The following DISP1 variants were observed in gnomAD, a reference collection of about 807,000 sequenced individuals.
DISP1 encodes protein dispatched homolog 1.
DISP1 carries 30 observed loss-of-function variants against 37.3 expected under a neutral mutation model. The observed-to-expected ratio is 0.80, with a 90% CI of 0.60 to 1.09. DISP1 has a LOEUF of 1.09. DISP1 is among the 50% of genes least tolerant of loss of function. The pLI, the probability that DISP1 is intolerant of heterozygous loss-of-function variation, is 0.00. For missense variants in DISP1, 1,598 were observed against 1,879.5 expected (o/e 0.85, Z 2.77); for synonymous variants, 634 against 690.2 (o/e 0.92, Z 1.28).
intron 1 of DISP1, among the ~76,000 whole-genome samples, chr1:222,819,880 A>T (rs573747321): frequency 6.6e-5 from 10 of 151,718 alleles, no homozygotes; most frequent in Admixed American, 1.3e-4. Flanking sequence ...GGTGTTTAAA[A>T]TTTTTTTTTA....
chr1:222,961,526 A>T (rs1195548938), intron 3 of DISP1, among the ~76,000 whole-genome samples: 2 of 152,218 alleles, frequency 1.3e-5, no homozygotes, highest in South Asian at 4.1e-4. Flanking sequence ...GAATGGGCAA[A>T]AACTGGAAGC....
In DISP1 at chr1:223,005,599, C is replaced by T. The variant is rs1679849493; in HGVS notation, c.4202C>T (p.Ser1401Leu). The T allele has an allele frequency of 8.1e-6, 13 of 1,613,930 alleles. No individual in the cohort carries two copies. Among genetic ancestry groups the T allele is most frequent in the South Asian group, 1.1e-5 (1 of 91,062 alleles). ...PSSFVCRSTG[S>L]LLKTCCDPEN... The stretch of plus-strand genomic sequence containing the variant: ...TCATTTGTCTGCAGAAGCACTGGAT[C>T]GTTACTCAAAACGTGTTGCGACCCC... The change falls in exon 9 of 9, where the codon TCG becomes TTG. Residue 1401 changes from serine to leucine, a missense_variant. Coordinates refer to ENST00000675850, the MANE Select transcript of DISP1 (RefSeq NM_001377229.1).
At chr1:222,865,103 A>G (rs1412979975) in intron 1 of DISP1, among the ~76,000 whole-genome samples, 2 of 152,050 alleles carry the variant, frequency 1.3e-5, no homozygotes, top group African/African-American at 4.8e-5. Flanking sequence ...AATTCAAACT[A>G]ACAACTCCTT....
intron 1 of DISP1, among the ~76,000 whole-genome samples, chr1:222,840,362 C>T (rs1441761503): frequency 6.6e-6 from 1 of 152,016 alleles, no homozygotes; most frequent in East Asian, 1.9e-4. Flanking sequence ...GTGCCTTAGC[C>T]TCCCAAGTAG....
At chr1:222,949,216 G>A (rs896417149) in intron 3 of DISP1, among the ~76,000 whole-genome samples, 8 of 152,066 alleles carry the variant, frequency 5.3e-5, no homozygotes, top group African/African-American at 4.8e-5. Flanking sequence ...CAGCAATGGC[G>A]AAACCCTGTC....
At chr1:222,925,819 A>G (rs1246825066) in intron 1 of DISP1, among the ~76,000 whole-genome samples, 1 of 152,168 alleles carries the variant, frequency 6.6e-6, no homozygotes, top group African/African-American at 2.4e-5. Flanking sequence ...GGACTCAGGA[A>G]TCTCTGTTTT....
intron 7 of DISP1, among the ~76,000 whole-genome samples, chr1:222,993,094 G>A (rs953255779): frequency 2.0e-5 from 3 of 151,898 alleles, no homozygotes; most frequent in East Asian, 1.9e-4. Flanking sequence ...TCGAACTCCC[G>A]AACTTAGGTG....
At chr1:222,880,554 T>C (rs1247015563) in intron 1 of DISP1, among the ~76,000 whole-genome samples, 3 of 152,334 alleles carry the variant, frequency 2.0e-5, no homozygotes, top group Middle Eastern at 3.4e-3. Context: ...GACCTTTCAA[T>C]GCTAGGGAAT....
chr1:222,947,600 TTC>T (rs906779055), intron 3 of DISP1, among the ~76,000 whole-genome samples: 2 of 152,184 alleles, frequency 1.3e-5, no homozygotes, highest in Non-Finnish European at 2.9e-5. Context: ...CATATGGTAA[TTC>T]TGTTTTTAGC....
At chr1:222,982,246 G>A (rs527270932) in intron 3 of DISP1, among the ~76,000 whole-genome samples, 122 of 152,332 alleles carry the variant, frequency 8.0e-4, no homozygotes, top group African/African-American at 2.9e-3. Flanking sequence ...AGTATATGAA[G>A]AAAATCTGGC....
At chr1:222,866,323 TTTGTTG>T (rs34788109) in intron 1 of DISP1, among the ~76,000 whole-genome samples, 25 of 149,770 alleles carry the variant, frequency 1.7e-4, no homozygotes, top group East Asian at 4.0e-4. Context: ...CCGGGATAGT[TTTGTTG>T]TTGTTGTTGT....
At chr1:222,900,166 T>A (rs1671502625) in intron 1 of DISP1, among the ~76,000 whole-genome samples, 1 of 152,224 alleles carries the variant, frequency 6.6e-6, no homozygotes, top group African/African-American at 2.4e-5. Flanking sequence ...AGATTGAATA[T>A]AGTACAGCAG....
At position 223,004,941 on chromosome 1, in the gene DISP1, G is replaced by A. The variant is rs756514692; in HGVS notation, c.3544G>A (p.Gly1182Ser). Residue 1182 changes from glycine (G) to serine (S), a missense_variant, in exon 9 of 9, where the codon GGC (glycine) becomes AGC (serine). Physicochemically the swap from Gly to Ser is moderately conservative, Grantham distance 56. Coordinates refer to ENST00000675850, the MANE Select transcript of DISP1 (RefSeq NM_001377229.1). The surrounding 1 kb of genome is among the most constrained non-coding windows in gnomAD (Gnocchi z 4.9). Reference sequence around the variant, plus strand: ...AAATGCTTATCATTTAGATCCCAGGGGCCCAAAATCTGAACTGGAGCATGA... The same window carrying A: ...AAATGCTTATCATTTAGATCCCAGGAGCCCAAAATCTGAACTGGAGCATGA... ...TINAYHLDPR[G>S]PKSELEHEFY... The A allele has an allele frequency of 1.7e-5, 28 of 1,612,916 alleles. No homozygotes were observed. The highest frequency in any genetic ancestry group is 2.0e-5 in the Non-Finnish European group (24 of 1,180,006).
intron 3 of DISP1, among the ~76,000 whole-genome samples, chr1:222,948,948 G>A (rs944789569): frequency 5.3e-5 from 8 of 152,252 alleles, no homozygotes; most frequent in African/African-American, 1.2e-4. Flanking sequence ...TAATTTTAAC[G>A]TAGGCCATTT....
At chr1:222,913,782 C>T (rs1422993167) in intron 1 of DISP1, among the ~76,000 whole-genome samples, 1 of 151,710 alleles carries the variant, frequency 6.6e-6, no homozygotes, top group Non-Finnish European at 1.5e-5. Context: ...AAAATAGGAA[C>T]CTCTAAATAG....
At chr1:222,866,925 C>A (rs769787831) in intron 1 of DISP1, among the ~76,000 whole-genome samples, 2 of 152,058 alleles carry the variant, frequency 1.3e-5, no homozygotes, top group South Asian at 4.2e-4. Flanking sequence ...TAAATTCAGT[C>A]CAATGAAGAA....
intron 1 of DISP1, among the ~76,000 whole-genome samples, chr1:222,829,383 A>G (rs907549582): frequency 6.6e-6 from 1 of 152,126 alleles, no homozygotes; most frequent in Non-Finnish European, 1.5e-5. Context: ...TTAGGACTTA[A>G]CTTCTTAAAA....
intron 1 of DISP1, among the ~76,000 whole-genome samples, chr1:222,909,440 T>TCATAATAAC (rs1672089764): frequency 2.6e-5 from 4 of 152,216 alleles, no homozygotes; most frequent in Admixed American, 1.3e-4. Flanking sequence ...ATGAATGTGT[T>TCATAATAAC]ATTTCTCTTG....
At position 222,969,370 on chromosome 1, in the gene DISP1, C is replaced by CAAAA. The variant is rs71178518; in HGVS notation, c.510-13696_510-13693dup. Reference sequence around the variant, plus strand: ...GGGCAAAAAGAGTGAAACTTGGTCTCAAAAAAAAAAAAAAAAATTACAAAG... The same window carrying CAAAA: ...GGGCAAAAAGAGTGAAACTTGGTCTCAAAAAAAAAAAAAAAAAAAAATTACAAAG... On this transcript the variant is annotated intron_variant, in intron 3 of 8. Transcript: ENST00000675850. Among the ~76,000 whole-genome samples the CAAAA allele has an allele frequency of 6.4e-4, 19 of 29,872 alleles. 1 individual carries two copies. Among genetic ancestry groups the CAAAA allele is most frequent in the South Asian group, 2.0e-3 (1 of 512 alleles). The allele number at this position is 29,872 out of a possible 152,430, so 19.6% of individuals were successfully genotyped here. A position where few individuals can be genotyped will look rare whatever the true frequency, so the allele number is the denominator to read the frequency against.
Sources: allele counts gnomAD v4.1 joint callset (sites outside exome capture counted in the v4.1 genomes callset), GRCh38; gene constraint gnomAD v4.1.1; non-coding constraint Gnocchi (gnomAD v3.1); transcripts MANE v1.5; gene names NCBI Gene and HGNC (gene_info 2026-07-23, HGNC 2026-07-21).